LYPD6B: variants seen among roughly 807,000 people sequenced by gnomAD.
LYPD6B encodes the protein ly6/PLAUR domain-containing protein 6B.
In LYPD6B, 17 loss-of-function variants were observed where a neutral mutation model predicts 22.8. That is an observed-to-expected ratio of 0.75 (90% CI 0.51 to 1.12). The LOEUF (loss-of-function observed/expected upper bound fraction) is 1.12. LYPD6B is among the 50% of genes most tolerant of loss of function. The pLI, the probability that LYPD6B is intolerant of heterozygous loss-of-function variation, is 0.00. For missense variants in LYPD6B, 221 were observed against 258.3 expected, an observed-to-expected ratio of 0.86 and a Z score of 0.99; for synonymous variants, 106 against 91.6, an observed-to-expected ratio of 1.16 and a Z score of -0.90.
intron 3 of LYPD6B, among the ~76,000 whole-genome samples, chr2:149,203,522 G>C (rs1180628552): frequency 6.6e-6 from 1 of 152,146 alleles, no homozygotes; most frequent in East Asian, 1.9e-4. Flanking sequence ...TTTGCTAACT[G>C]TCCATTTCTT....
At chr2:149,055,440 A>G (rs1270232363) in intron 1 of LYPD6B, among the ~76,000 whole-genome samples, 3 of 152,194 alleles carry the variant, frequency 2.0e-5, no homozygotes, top group African/African-American at 7.2e-5. Flanking sequence ...GAATTGTGCT[A>G]GAGGTTGCAC....
chr2:149,160,822 T>C lies in LYPD6B; in HGVS notation c.64T>C (p.Phe22Leu), dbSNP rs901274856. ...TCCAGAGAGGAGCCTGACAACCACA[T>C]TCTCCTTCTCAAGGTAAGAATGGCA... is the stretch of plus-strand genomic sequence containing the variant. ...TVPERSLTTT[F>L]SFSRYKSSDR... The change falls in exon 3 of 7, where the codon TTC (phenylalanine) becomes CTC (leucine). Residue 22 changes from phenylalanine to leucine, a missense_variant. Physicochemically the swap from Phe to Leu is conservative, Grantham distance 22. Transcript: ENST00000409642. 5 of 1,552,912 alleles carry C rather than the reference T, an allele frequency of 3.2e-6. No homozygotes were observed. In the African/African-American group the frequency reaches 4.1e-5, roughly 13 times the overall value.
At chr2:149,110,263 A>G (rs1240194198) in intron 1 of LYPD6B, among the ~76,000 whole-genome samples, 2 of 151,652 alleles carry the variant, frequency 1.3e-5, no homozygotes, top group African/African-American at 2.4e-5. Flanking sequence ...AATAGTTTCA[A>G]TGCCTTTGTC....
At chr2:149,077,587 G>A (rs891875373) in intron 1 of LYPD6B, 4 of 152,170 alleles carry the variant, frequency 2.6e-5, no homozygotes, top group African/African-American at 9.7e-5. Flanking sequence ...TGAAGAGAGT[G>A]GCTTTGAAGG....
chr2:149,163,082 C>G (rs999737825), intron 3 of LYPD6B, among the ~76,000 whole-genome samples: 1 of 152,034 alleles, frequency 6.6e-6, no homozygotes, highest in Admixed American at 6.6e-5. Flanking sequence ...TGCCTGGAGC[C>G]CAGATTCAGC....
chr2:149,117,463 G>T (rs1308107029), intron 1 of LYPD6B, among the ~76,000 whole-genome samples: 3 of 152,022 alleles, frequency 2.0e-5, no homozygotes, highest in Non-Finnish European at 4.4e-5. Flanking sequence ...TAGAGATGGG[G>T]TTTCGCCATG....
In LYPD6B at chr2:149,158,809, A is replaced by G. The variant is rs548487355; in HGVS notation, c.6-1955A>G. On this transcript the variant is annotated intron_variant, in intron 2 of 6. Coordinates refer to ENST00000409642, the MANE Select transcript of LYPD6B (RefSeq NM_177964.5). ...GTATTCCTTAGACATATATTACTTG[A>G]GCTTAAAAACCTGCCTGAGGGCAGT... Among the ~76,000 whole-genome samples, 8 of 152,304 alleles carry G rather than the reference A, an allele frequency of 5.3e-5. No homozygotes were observed. In the South Asian group the frequency reaches 1.7e-3, roughly 32 times the overall value.
intron 1 of LYPD6B, among the ~76,000 whole-genome samples, chr2:149,100,442 G>C (rs201439597): frequency 0.039 from 2,665 of 68,236 alleles, 106 homozygotes; most frequent in African/African-American, 0.12. Context: ...AAAAAAAAAA[G>C]CCCGGGCTGG....
chr2:149,157,583 G>A (rs935113756), intron 2 of LYPD6B, among the ~76,000 whole-genome samples: 5 of 152,084 alleles, frequency 3.3e-5, no homozygotes, highest in Non-Finnish European at 7.3e-5. Flanking sequence ...GTTTTTTGTT[G>A]ACTTTCTCTG....
intron 3 of LYPD6B, among the ~76,000 whole-genome samples, chr2:149,163,102 A>C (rs1690191906): frequency 6.6e-6 from 1 of 152,142 alleles, no homozygotes; most frequent in Admixed American, 6.5e-5. Flanking sequence ...CTCTGTGCCA[A>C]AACTAGCTGT....
intron 3 of LYPD6B, among the ~76,000 whole-genome samples, chr2:149,179,899 C>T (rs1439510023): frequency 6.6e-6 from 1 of 152,156 alleles, no homozygotes; most frequent in Non-Finnish European, 1.5e-5. Context: ...ATCGTTCAAC[C>T]TAAGTTAAAA....
chr2:149,191,852 A>C (rs1692516594), intron 3 of LYPD6B, among the ~76,000 whole-genome samples: 1 of 152,232 alleles, frequency 6.6e-6, no homozygotes, highest in Non-Finnish European at 1.5e-5. Context: ...ATACCATGAG[A>C]AAGTAAATAG....
chr2:149,040,508 G>T (rs963223052), intron 1 of LYPD6B, among the ~76,000 whole-genome samples: 1 of 152,090 alleles, frequency 6.6e-6, no homozygotes, highest in Non-Finnish European at 1.5e-5. Context: ...TTATAGGAGT[G>T]AGCCACTGCA....
intron 2 of LYPD6B, among the ~76,000 whole-genome samples, chr2:149,144,908 A>G (rs1688921760): frequency 6.6e-6 from 1 of 152,066 alleles, no homozygotes; most frequent in Non-Finnish European, 1.5e-5. Flanking sequence ...ACTGTTCCCT[A>G]TGAAACGTGG....
chr2:149,102,786 T>A (rs1686276309), intron 1 of LYPD6B, among the ~76,000 whole-genome samples: 1 of 152,092 alleles, frequency 6.6e-6, no homozygotes, highest in Non-Finnish European at 1.5e-5. Flanking sequence ...CCCGCCACCA[T>A]ACCTGGCTTA....
chr2:149,096,334 A>T (rs1390434522), intron 1 of LYPD6B, among the ~76,000 whole-genome samples: 2 of 152,192 alleles, frequency 1.3e-5, no homozygotes, highest in Non-Finnish European at 2.9e-5. Context: ...TGAGGAGGTC[A>T]TGTGTTTGTG....
intron 3 of LYPD6B, among the ~76,000 whole-genome samples, chr2:149,166,397 A>G (rs1456890756): frequency 6.6e-6 from 1 of 152,132 alleles, no homozygotes; most frequent in Non-Finnish European, 1.5e-5. Context: ...TTACAATAAG[A>G]AGTTACTTAA....
chr2:149,189,579 G>C lies in LYPD6B; in HGVS notation c.78-15674G>C, dbSNP rs911708410. Among the ~76,000 whole-genome samples, 3 of 151,852 alleles carry C rather than the reference G, an allele frequency of 2.0e-5. No homozygotes were observed. The East Asian group carries it at 5.8e-4, about 30-fold the overall frequency. On this transcript the variant is annotated intron_variant, in intron 3 of 6. Coordinates refer to ENST00000409642, the MANE Select transcript of LYPD6B (RefSeq NM_177964.5). Reference sequence around the variant, plus strand: ...ATAGAGCTGGGGGACAAAAAAGTTGGTGCCTGTTGGTCTGTAGAGTAAGGG... The same window carrying C: ...ATAGAGCTGGGGGACAAAAAAGTTGCTGCCTGTTGGTCTGTAGAGTAAGGG...
chr2:149,068,621 A>G, intron 1 of LYPD6B: 2 of 491,862 alleles, frequency 4.1e-6, no homozygotes, highest in Non-Finnish European at 8.3e-6. Flanking sequence ...TGGCTTCAAG[A>G]TTTTCCTTAT....
Sources: allele counts gnomAD v4.1 joint callset (sites outside exome capture counted in the v4.1 genomes callset), GRCh38; gene constraint gnomAD v4.1.1; transcripts MANE v1.5; gene names NCBI Gene and HGNC (gene_info 2026-07-23, HGNC 2026-07-21).